DPP10: variants seen among roughly 807,000 people sequenced by gnomAD.
The protein encoded by DPP10 is dipeptidyl peptidase like 10.
Under a neutral mutation model 120.9 loss-of-function variants are expected in DPP10, and 33 were observed. That is an observed-to-expected ratio of 0.27 (90% confidence interval 0.21 to 0.37). The LOEUF (loss-of-function observed/expected upper bound fraction) is 0.37. Ranked by LOEUF, DPP10 falls within the 10% of genes least tolerant of loss-of-function variation. DPP10 has a pLI of 1.00. For missense variants in DPP10, 816 were observed against 942.8 expected (o/e 0.87, Z 1.76); for synonymous variants, 337 against 326.1 (o/e 1.03, Z -0.36).
At chr2:114,967,213 G>A (rs1344799977) in intron 1 of DPP10, among the ~76,000 whole-genome samples, 4 of 152,128 alleles carry the variant, frequency 2.6e-5, no homozygotes, top group African/African-American at 4.8e-5. Context: ...TCTTCCATTA[G>A]GCAGCATTCA....
intron 3 of DPP10, among the ~76,000 whole-genome samples, chr2:115,466,032 T>A (rs1393046439): frequency 5.3e-5 from 8 of 152,180 alleles, no homozygotes; most frequent in Non-Finnish European, 1.2e-4. Context: ...GAACTCACTA[T>A]TACTGTTTAT....
chr2:115,081,044 A>G (rs1027318805), intron 1 of DPP10, among the ~76,000 whole-genome samples: 1 of 152,158 alleles, frequency 6.6e-6, no homozygotes, highest in African/African-American at 2.4e-5. Flanking sequence ...GGCCTTTCTT[A>G]AGATTTTTTT....
chr2:115,015,980 A>G lies in DPP10; in HGVS notation c.61-293259A>G, dbSNP rs549967488. Among the ~76,000 whole-genome samples, 4 of 152,320 alleles carry G rather than the reference A, an allele frequency of 2.6e-5. No homozygotes were observed. In the South Asian group the frequency reaches 8.3e-4, roughly 32 times the overall value. ...CATCAAGCTACCATTGACTTATTTC[A>G]TAGAATTAGAAAAAACTACTCAAAA... is the stretch of plus-strand genomic sequence containing the variant. On this transcript the variant is annotated intron_variant, in intron 1 of 25. Transcript: ENST00000410059.
intron 1 of DPP10, among the ~76,000 whole-genome samples, chr2:114,858,113 C>T (rs1357276399): frequency 6.6e-6 from 1 of 152,164 alleles, no homozygotes; most frequent in Admixed American, 6.5e-5. Context: ...CCTCAGCCTC[C>T]CGAGTAGCTG....
In DPP10 at chr2:115,780,883, T is replaced by C; in HGVS notation, c.1371T>C (p.Thr457=). 6.2e-7 allele frequency: 1 copy of C among 1,602,164 alleles called. No homozygotes were observed. Among genetic ancestry groups the C allele is most frequent in the Non-Finnish European group, 8.5e-7 (1 of 1,172,658 alleles). ...CTTTTTCTTTCTCCAGTGCTTCTAC[T>C]GAAGGATTATTGAATCGCCAATGCA... ...PRGRQLYSAS[T]EGLLNRQCIS... is the part of the protein sequence containing the mutation. The change falls in exon 16 of 26, where the codon ACT becomes ACC. Residue 457 remains threonine (T), a synonymous_variant. Coordinates refer to ENST00000410059, the MANE Select transcript of DPP10 (RefSeq NM_020868.6).
chr2:115,697,947 C>T (rs979387410), intron 7 of DPP10, among the ~76,000 whole-genome samples: 9 of 152,150 alleles, frequency 5.9e-5, no homozygotes, highest in Admixed American at 6.5e-5. Flanking sequence ...TGCCACTGCA[C>T]TCCAGCTTGG....
chr2:115,592,546 A>G (rs560522941), intron 5 of DPP10, among the ~76,000 whole-genome samples: 13 of 151,054 alleles, frequency 8.6e-5, no homozygotes, highest in Admixed American at 6.6e-4. Flanking sequence ...CATCCTGGCC[A>G]ACATGGTGAA....
intron 5 of DPP10, among the ~76,000 whole-genome samples, chr2:115,641,251 G>T (rs2086755148): frequency 6.6e-6 from 1 of 152,104 alleles, no homozygotes; most frequent in African/African-American, 2.4e-5. Context: ...ACTCAAAGTT[G>T]TTCAGATCCT....
At chr2:114,993,065 T>A (rs1308699271) in intron 1 of DPP10, among the ~76,000 whole-genome samples, 4 of 152,174 alleles carry the variant, frequency 2.6e-5, no homozygotes, top group Admixed American at 2.6e-4. Flanking sequence ...CCCAAGTTAT[T>A]TCTCCTTCCT....
rs558559099 is a variant in DPP10 at position 115,553,155 on chromosome 2, A to G, written c.441+27183A>G. Among the ~76,000 whole-genome samples the G allele has an allele frequency of 1.4e-4, 21 of 152,214 alleles. No homozygotes were observed. The East Asian group carries it at 2.1e-3, about 15-fold the overall frequency. On this transcript the variant is annotated intron_variant, in intron 5 of 25. Transcript: ENST00000410059. The stretch of plus-strand genomic sequence containing the variant: ...TACACTCTTGCATTATTCATGTACT[A>G]TCTAGATATTATTATTTTTTATGCA...
chr2:115,401,064 G>C (rs1194808209), intron 3 of DPP10, among the ~76,000 whole-genome samples: 2 of 152,194 alleles, frequency 1.3e-5, no homozygotes, highest in Non-Finnish European at 2.9e-5. Context: ...TTCTGAAAAT[G>C]AGCGAGCCAT....
chr2:115,014,586 A>T (rs1293248732), intron 1 of DPP10, among the ~76,000 whole-genome samples: 1 of 152,050 alleles, frequency 6.6e-6, no homozygotes, highest in Non-Finnish European at 1.5e-5. Context: ...AACAAAATAG[A>T]CCAGTAGCCA....
intron 5 of DPP10, among the ~76,000 whole-genome samples, chr2:115,534,599 G>T (rs928599614): frequency 3.9e-5 from 6 of 152,086 alleles, no homozygotes; most frequent in Non-Finnish European, 7.3e-5. Context: ...ATAGCAGCAT[G>T]ATTCATAGTC....
At chr2:115,834,937 A>T (rs1689298474) in intron 21 of DPP10, among the ~76,000 whole-genome samples, 1 of 152,114 alleles carries the variant, frequency 6.6e-6, no homozygotes, top group Non-Finnish European at 1.5e-5. Flanking sequence ...TACAAAAAAA[A>T]TTAGCCGGGC....
At position 115,262,010 on chromosome 2, in the gene DPP10, A is replaced by C. The variant is rs531393285; in HGVS notation, c.61-47229A>C. 2.0e-5 allele frequency among the ~76,000 whole-genome samples: 3 copies of C among 152,308 alleles called. No homozygotes were observed. The East Asian group carries it at 5.8e-4, about 29-fold the overall frequency. Reference sequence around the variant, plus strand: ...ACATGCCATCTCCCTCCAAAGAGAGAATCCTTGACCCCTGAGTTTACCATT... The same window carrying C: ...ACATGCCATCTCCCTCCAAAGAGAGCATCCTTGACCCCTGAGTTTACCATT... On this transcript the variant is annotated intron_variant, in intron 1 of 25. Transcript: ENST00000410059.
Position 115,762,615 on chromosome 2 carries a change from A to G in DPP10, c.1113+5A>G, listed in dbSNP as rs1680249491. On this transcript the variant is annotated splice_donor_5th_base_variant and intron_variant, in intron 12 of 25. Transcript: ENST00000410059. ...GATACGTGGCTCTCTCAGCAGGTAC[A>G]GTATAGGTGGTCTGTCACATCTTGG... 3 of 1,613,100 alleles carry G rather than the reference A, an allele frequency of 1.9e-6. No individual in the cohort carries two copies. The highest frequency in any genetic ancestry group is 2.5e-6 in the Non-Finnish European group (3 of 1,179,896).
At chr2:114,699,781 G>C (rs1325697437) in intron 1 of DPP10, among the ~76,000 whole-genome samples, 1 of 152,094 alleles carries the variant, frequency 6.6e-6, no homozygotes, top group Non-Finnish European at 1.5e-5. Flanking sequence ...CACAGTGTGG[G>C]AAGAGCAGAG....
intron 3 of DPP10, among the ~76,000 whole-genome samples, chr2:115,470,738 C>A (rs1047743693): frequency 6.6e-6 from 1 of 152,042 alleles, no homozygotes; most frequent in Non-Finnish European, 1.5e-5. Context: ...ATTTGGTTTT[C>A]TATCCCCTTC....
chr2:114,702,566 C>A (rs1258086769), intron 1 of DPP10, among the ~76,000 whole-genome samples: 2 of 152,092 alleles, frequency 1.3e-5, no homozygotes, highest in Non-Finnish European at 2.9e-5. Context: ...GCCCTGTTAC[C>A]TCGTATACTT....
Sources: allele counts gnomAD v4.1 joint callset (sites outside exome capture counted in the v4.1 genomes callset), GRCh38; gene constraint gnomAD v4.1.1; transcripts MANE v1.5; gene names NCBI Gene and HGNC (gene_info 2026-07-23, HGNC 2026-07-21).